Variants in GRIN2A observed in about 807,000 individuals in gnomAD.
GRIN2A encodes glutamate receptor ionotropic, NMDA 2A.
Under a neutral mutation model 113.4 loss-of-function variants are expected in GRIN2A, and 22 were observed. The observed-to-expected ratio is 0.19, with a 90% CI of 0.14 to 0.28. The LOEUF (loss-of-function observed/expected upper bound fraction) is 0.28. Among genes scored for constraint, GRIN2A ranks in the 10% least tolerant of loss-of-function variants. GRIN2A has a pLI of 1.00. For missense variants in GRIN2A, 1,502 were observed against 1,887.0 expected, an observed-to-expected ratio of 0.80 and a Z score of 3.78; for synonymous variants, 827 against 738.4, an observed-to-expected ratio of 1.12 and a Z score of -1.94.
intron 2 of GRIN2A, among the ~76,000 whole-genome samples, chr16:10,086,769 G>T (rs75726769): frequency 2.0e-5 from 3 of 152,184 alleles, no homozygotes; most frequent in African/African-American, 7.2e-5. Flanking sequence ...CCTCGGGGAA[G>T]AGCAAGCCGC....
rs566066350 is a variant in GRIN2A at position 10,059,145 on chromosome 16, G to A, written c.415-120594C>T. 2.9e-3 allele frequency among the ~76,000 whole-genome samples: 447 copies of A among 152,240 alleles called. 1 individual carries two copies. Among genetic ancestry groups the A allele is most frequent in the Non-Finnish European group, 5.4e-3 (366 of 68,006 alleles). On this transcript the variant is annotated intron_variant, in intron 2 of 12. Coordinates refer to ENST00000330684, the MANE Select transcript of GRIN2A (RefSeq NM_001134407.3). ...GTGAACATAGCAATAGGAGACAGAG[G>A]AAATGGCGACAAAGATGGAGCAGCT...
chr16:10,008,006 G>T (rs2046435305), intron 2 of GRIN2A, among the ~76,000 whole-genome samples: 3 of 151,964 alleles, frequency 2.0e-5, no homozygotes, highest in South Asian at 4.2e-4. Context: ...TTTTCACAGG[G>T]CTCTTAAGAA....
intron 3 of GRIN2A, among the ~76,000 whole-genome samples, chr16:9,915,809 T>G (rs957657235): frequency 6.6e-6 from 1 of 152,234 alleles, no homozygotes. Context: ...TTTTTTCATC[T>G]GTTAAATGGA....
chr16:10,177,031 G>C (rs1335925457), intron 2 of GRIN2A, among the ~76,000 whole-genome samples: 4 of 152,142 alleles, frequency 2.6e-5, no homozygotes, highest in Non-Finnish European at 4.4e-5. Context: ...AGGAGGCAGA[G>C]GCCTTGTCAA....
chr16:10,014,222 AT>A (rs764160778), intron 2 of GRIN2A, among the ~76,000 whole-genome samples: 11 of 152,182 alleles, frequency 7.2e-5, no homozygotes, highest in Non-Finnish European at 1.5e-4. Context: ...GTTTTTGGTC[AT>A]TTTCATATGG....
chr16:9,925,458 C>A (rs2044444301), intron 3 of GRIN2A, among the ~76,000 whole-genome samples: 1 of 152,304 alleles, frequency 6.6e-6, no homozygotes, highest in African/African-American at 2.4e-5. Flanking sequence ...TTAGGCAGAT[C>A]TCCATTTACG....
rs546324449 is a variant in GRIN2A, at chr16:9,781,016, C to T, written c.2357-11927G>A. The stretch of plus-strand genomic sequence containing the variant: ...AATCTTTTTTTTTTTTTATGGTAAA[C>T]GGCCAATTAGTAAATATTTTCAGCA... On this transcript the variant is annotated intron_variant, in intron 11 of 12. Transcript: ENST00000330684. Among the ~76,000 whole-genome samples, 105 of 127,344 alleles carry T rather than the reference C, an allele frequency of 8.2e-4. 1 individual carries two copies. The highest frequency in any genetic ancestry group is 2.9e-3 in the African/African-American group (93 of 31,788). 83.5% of individuals were successfully genotyped at this position (127,344 alleles called of 152,430 possible).
At chr16:10,086,725 G>A (rs146541337) in intron 2 of GRIN2A, among the ~76,000 whole-genome samples, 4 of 152,086 alleles carry the variant, frequency 2.6e-5, no homozygotes, top group African/African-American at 4.8e-5. Flanking sequence ...CAAGCAAAGC[G>A]TAGGCATATG....
intron 3 of GRIN2A, among the ~76,000 whole-genome samples, chr16:9,930,821 T>A (rs1382630036): frequency 6.6e-6 from 1 of 152,138 alleles, no homozygotes; most frequent in African/African-American, 2.4e-5. Flanking sequence ...AACCAAGAAT[T>A]TTTCCTATGT....
chr16:10,080,710 T>G (rs902917306), intron 2 of GRIN2A, among the ~76,000 whole-genome samples: 5 of 152,158 alleles, frequency 3.3e-5, no homozygotes, highest in African/African-American at 4.8e-5. Flanking sequence ...AATATCACCC[T>G]CACCTTGTAT....
At chr16:10,139,914 G>A (rs1232766380) in intron 2 of GRIN2A, among the ~76,000 whole-genome samples, 3 of 151,952 alleles carry the variant, frequency 2.0e-5, no homozygotes, top group Non-Finnish European at 2.9e-5. Context: ...TGCAACCTCC[G>A]CCTCCCAGGT....
intron 2 of GRIN2A, among the ~76,000 whole-genome samples, chr16:10,069,544 G>C (rs1248048142): frequency 2.0e-5 from 3 of 152,234 alleles, no homozygotes; most frequent in Admixed American, 2.0e-4. Flanking sequence ...AGTCAACCCA[G>C]GCAGTGCAGC....
At chr16:10,129,975 T>G (rs1294806046) in intron 2 of GRIN2A, among the ~76,000 whole-genome samples, 2 of 152,210 alleles carry the variant, frequency 1.3e-5, no homozygotes, top group Non-Finnish European at 2.9e-5. Flanking sequence ...TAGAAGCCCT[T>G]GCTGATGGTT....
At chr16:9,780,446 C>T (rs895818594) in intron 11 of GRIN2A, among the ~76,000 whole-genome samples, 1 of 152,186 alleles carries the variant, frequency 6.6e-6, no homozygotes, top group African/African-American at 2.4e-5. Context: ...GTATCAATGT[C>T]ACAAGAGACA....
At chr16:9,867,516 G>C (rs1001618238) in intron 4 of GRIN2A, among the ~76,000 whole-genome samples, 3 of 152,034 alleles carry the variant, frequency 2.0e-5, no homozygotes, top group Non-Finnish European at 2.9e-5. Flanking sequence ...AGCCTAACAC[G>C]CATCCCAGCC....
intron 3 of GRIN2A, among the ~76,000 whole-genome samples, chr16:9,931,754 C>T (rs746067251): frequency 6.6e-6 from 1 of 152,174 alleles, no homozygotes; most frequent in Non-Finnish European, 1.5e-5. Flanking sequence ...GAAAGACACA[C>T]ACACACGCAC....
In GRIN2A at chr16:10,113,450, C is replaced by T. The variant is rs2048665521; in HGVS notation, c.414+66548G>A. On this transcript the variant is annotated intron_variant, in intron 2 of 12. Transcript: ENST00000330684. Reference sequence around the variant, plus strand: ...GGGGAGGAGGCTGCCCTGCTCATGGCCGCCTGCCCATCATTCGTGACTCAC... The same window carrying T: ...GGGGAGGAGGCTGCCCTGCTCATGGTCGCCTGCCCATCATTCGTGACTCAC... Among the ~76,000 whole-genome samples the T allele has an allele frequency of 2.0e-5, 3 of 152,212 alleles. No individual in the cohort carries two copies. The South Asian group carries it at 6.2e-4, about 31-fold the overall frequency.
intron 2 of GRIN2A, among the ~76,000 whole-genome samples, chr16:9,968,641 CTT>C (rs1273253006): frequency 6.6e-6 from 1 of 152,030 alleles, no homozygotes; most frequent in Non-Finnish European, 1.5e-5. Flanking sequence ...GAGTTTTGCT[CTT>C]GTTACCCAGG....
chr16:10,012,974 G>A (rs2046536449), intron 2 of GRIN2A, among the ~76,000 whole-genome samples: 1 of 152,184 alleles, frequency 6.6e-6, no homozygotes, highest in Non-Finnish European at 1.5e-5. Context: ...AATTGTTGCA[G>A]TTCTAGAAAG....
Sources: gnomAD v4.1 joint callset for allele counts (sites outside exome capture counted in the v4.1 genomes callset) on GRCh38, gnomAD v4.1.1 for gene constraint, MANE v1.5 for transcripts, NCBI Gene and HGNC (gene_info 2026-07-23, HGNC 2026-07-21) for gene names.